Variants in GDPD4 observed in about 807,000 individuals in gnomAD.
GDPD4 encodes the protein glycerophosphodiester phosphodiesterase 6.
Under a neutral mutation model 67.8 loss-of-function variants are expected in GDPD4, and 60 were observed. The ratio of observed to expected loss-of-function variants is 0.88; its 90% CI spans 0.72 to 1.10. GDPD4 has a LOEUF of 1.10. GDPD4 is among the 50% of genes least tolerant of loss of function. GDPD4 has a pLI of 0.00. For missense variants in GDPD4, 623 were observed against 613.9 expected (o/e 1.01, Z -0.16); for synonymous variants, 212 against 210.9 (o/e 1.00, Z -0.04).
At chr11:77,235,009 G>GGTTTTTTTTTTTTTTTTTT (rs1958524240) in intron 13 of GDPD4, among the ~76,000 whole-genome samples, 2 of 52,254 alleles carry the variant, frequency 3.8e-5, no homozygotes, top group African/African-American at 6.3e-5. Flanking sequence ...GTCAATATCT[G>GGTTTTTTTTTTTTTTTTTT]TTTTTTTTTT....
At chr11:77,266,358 A>C (rs960387700) in intron 10 of GDPD4, among the ~76,000 whole-genome samples, 1 of 152,202 alleles carries the variant, frequency 6.6e-6, no homozygotes, top group African/African-American at 2.4e-5. Context: ...TCGTATGTTT[A>C]TGGTGACACT....
chr11:77,293,318 G>A (rs1049584716), intron 1 of GDPD4, among the ~76,000 whole-genome samples: 37 of 152,204 alleles, frequency 2.4e-4, no homozygotes, highest in African/African-American at 8.2e-4. Flanking sequence ...TTGGGGCCAG[G>A]CATGGTCACT....
rs377327189 is a variant in GDPD4 at position 77,300,034 on chromosome 11, GAATC to G, written c.-254+1567_-254+1570del. On this transcript the variant is annotated intron_variant, in intron 1 of 16. Transcript: ENST00000315938. ...TATGAGTTCTAAATTTCTCTTCAAA[GAATC>G]AATATGTCAGTATGTTCAATTCTTT... 6.0e-3 allele frequency among the ~76,000 whole-genome samples: 919 copies of G among 152,214 alleles called. 8 individuals carry two copies. The highest frequency in any genetic ancestry group is 0.021 in the African/African-American group (888 of 41,510).
rs144858723 is a variant in GDPD4, at chr11:77,261,394, C to T, written c.708-2852G>A. On this transcript the variant is annotated intron_variant, in intron 10 of 16. Transcript: ENST00000315938. ...CTGGGATTACAGGTGCCCACCACCACGCCCAGCTAATTTTTCTATTTTTAG... is the reference window on the plus strand; with the variant it reads ...CTGGGATTACAGGTGCCCACCACCATGCCCAGCTAATTTTTCTATTTTTAG... Among the ~76,000 whole-genome samples the T allele has an allele frequency of 3.1e-3, 473 of 152,164 alleles. 4 individuals carry two copies. The highest frequency in any genetic ancestry group is 0.011 in the African/African-American group (451 of 41,514).
At chr11:77,250,657 T>C (rs1958873713) in intron 11 of GDPD4, among the ~76,000 whole-genome samples, 1 of 152,212 alleles carries the variant, frequency 6.6e-6, no homozygotes, top group African/African-American at 2.4e-5. Context: ...TGAAGTATTC[T>C]GTAATTGTCT....
chr11:77,255,598 C>G (rs1362096223), intron 11 of GDPD4, among the ~76,000 whole-genome samples: 2 of 152,082 alleles, frequency 1.3e-5, no homozygotes, highest in Admixed American at 1.3e-4. Context: ...CGGTGGCTCA[C>G]ACTTGTAATC....
intron 16 of GDPD4, among the ~76,000 whole-genome samples, chr11:77,219,223 C>T (rs1958182019): frequency 6.6e-6 from 1 of 152,192 alleles, no homozygotes; most frequent in Non-Finnish European, 1.5e-5. Flanking sequence ...CCTTTGCCCA[C>T]TTTCTGATGG....
chr11:77,271,801 G>A (rs756120115), intron 5 of GDPD4, among the ~76,000 whole-genome samples: 65 of 152,252 alleles, frequency 4.3e-4, no homozygotes, highest in Admixed American at 2.6e-4. Context: ...CTCTGTAATT[G>A]CCTTTTCAAC....
At chr11:77,277,390 C>CTTTT (rs1442904233) in intron 4 of GDPD4, among the ~76,000 whole-genome samples, 8 of 58,588 alleles carry the variant, frequency 1.4e-4, no homozygotes, top group South Asian at 6.1e-4. Flanking sequence ...AGCCATGTTT[C>CTTTT]CTTTTTTTTT....
Position 77,248,209 on chromosome 11 carries a change from T to C in GDPD4, c.865-2707A>G, listed in dbSNP as rs1174293958. Among the ~76,000 whole-genome samples the C allele has an allele frequency of 4.0e-5, 6 of 150,842 alleles. No individual in the cohort carries two copies. The East Asian group carries it at 1.2e-3, about 29-fold the overall frequency. On this transcript the variant is annotated intron_variant, in intron 11 of 16. Transcript: ENST00000315938. ...ACAACAATACAATTTTCTTTTCTTT[T>C]TTTTTTTTTTTGAGACGGAGTCCTG...
chr11:77,298,407 G>T (rs536521403), intron 1 of GDPD4, among the ~76,000 whole-genome samples: 1 of 152,300 alleles, frequency 6.6e-6, no homozygotes, highest in East Asian at 1.9e-4. Context: ...AGCTACTTGC[G>T]AAGCTGAGGC....
At chr11:77,249,264 CA>C (rs34998852) in intron 11 of GDPD4, among the ~76,000 whole-genome samples, 8,554 of 77,670 alleles carry the variant, frequency 0.11, 320 homozygotes, top group African/African-American at 0.23. Context: ...GACTCCATCT[CA>C]AAAAAAAAAA....
chr11:77,264,823 T>C (rs1959170924), intron 10 of GDPD4, among the ~76,000 whole-genome samples: 1 of 152,082 alleles, frequency 6.6e-6, no homozygotes, highest in African/African-American at 2.4e-5. Flanking sequence ...CCCCAATATA[T>C]ACCTCTTTGG....
At chr11:77,258,153 G>C (rs1959040386) in intron 11 of GDPD4, among the ~76,000 whole-genome samples, 1 of 152,182 alleles carries the variant, frequency 6.6e-6, no homozygotes, top group Non-Finnish European at 1.5e-5. Flanking sequence ...TACAAGATAA[G>C]GGTAAGTTTA....
chr11:77,247,395 A>C (rs556673099), intron 11 of GDPD4, among the ~76,000 whole-genome samples: 1 of 152,354 alleles, frequency 6.6e-6, no homozygotes, highest in Non-Finnish European at 1.5e-5. Context: ...TCAAAATAGC[A>C]AAGATGGTAA....
chr11:77,220,339 G>A (rs1222879623), intron 16 of GDPD4, among the ~76,000 whole-genome samples: 1 of 152,088 alleles, frequency 6.6e-6, no homozygotes, highest in Non-Finnish European at 1.5e-5. Context: ...TTGGCTGTTG[G>A]TTTGTCATAA....
intron 1 of GDPD4, among the ~76,000 whole-genome samples, chr11:77,294,618 G>A (rs1937887691): frequency 6.6e-6 from 1 of 152,010 alleles, no homozygotes; most frequent in Non-Finnish European, 1.5e-5. Context: ...AATCTCTGAG[G>A]ACTTTTTTTG....
At chr11:77,264,945 G>C (rs959388838) in intron 10 of GDPD4, among the ~76,000 whole-genome samples, 8 of 152,106 alleles carry the variant, frequency 5.3e-5, no homozygotes, top group African/African-American at 1.9e-4. Flanking sequence ...ATTTTCATTA[G>C]TAAAAGTATC....
intron 3 of GDPD4, among the ~76,000 whole-genome samples, chr11:77,281,972 G>A (rs1017546986): frequency 3.1e-4 from 47 of 151,808 alleles, no homozygotes; most frequent in African/African-American, 8.2e-4. Context: ...ATAAAATGAA[G>A]AGCAATAAAA....
Sources: allele counts gnomAD v4.1 joint callset (sites outside exome capture counted in the v4.1 genomes callset), GRCh38; gene constraint gnomAD v4.1.1; transcripts MANE v1.5; gene names NCBI Gene and HGNC (gene_info 2026-07-23, HGNC 2026-07-21).